The following AMD1 variants were observed in gnomAD, a reference collection of about 807,000 sequenced individuals.
AMD1 encodes the protein adenosylmethionine decarboxylase 1.
In AMD1, 11 loss-of-function variants were observed where a neutral mutation model predicts 40.2. The ratio of observed to expected loss-of-function variants is 0.27; its 90% CI spans 0.17 to 0.45. AMD1 has a LOEUF of 0.45. Among genes scored for constraint, AMD1 ranks in the 20% least tolerant of loss-of-function variants. The pLI is 1.00. For missense variants in AMD1, 257 were observed against 410.2 expected (o/e 0.63, Z 3.23); for synonymous variants, 121 against 130.8 (o/e 0.93, Z 0.51).
rs763093835 is a variant in AMD1, at chr6:110,892,328, G to T, written c.500G>T (p.Ser167Ile). Residue 167 changes from serine (S) to isoleucine (I), a missense_variant, in exon 6 of 9, where the codon AGT becomes ATT. Transcript: ENST00000368885. ...TTATATACTCTGGATTTCCCAGAGA[G>T]TCGGGTAATCAGTCAGCCAGATCAA... is the stretch of plus-strand genomic sequence containing the variant. The part of the protein sequence containing the change: ...WYLYTLDFPE[S>I]RVISQPDQTL... 3.7e-6 allele frequency: 6 copies of T among 1,613,560 alleles called. No homozygotes were observed. In the Admixed American group the frequency reaches 1.0e-4, roughly 27 times the overall value.
At chr6:110,815,853 G>A in the AMD1 span, 1 of 152,446 alleles carries the variant, frequency 6.6e-6, no homozygotes, top group Non-Finnish European at 1.5e-5. Flanking sequence ...GAGGGCTGGT[G>A]AGGACAGTTG....
In AMD1 at chr6:110,893,987, T is replaced by G. The variant is rs1436613485; in HGVS notation, c.*371T>G. ...TCCAAAATTCCCCACAGACAAGGCT[T>G]TCGTCCTCATTAGGTGTTGGCCTCA... On this transcript the variant is annotated 3_prime_UTR_variant, in exon 9 of 9. Coordinates refer to ENST00000368885, the MANE Select transcript of AMD1 (RefSeq NM_001634.6). The G allele has an allele frequency of 4.8e-6, 1 of 209,376 alleles. No individual in the cohort carries two copies. Among genetic ancestry groups the G allele is most frequent in the Non-Finnish European group, 9.9e-6 (1 of 101,320 alleles). The allele number at this position is 209,376 out of a possible 1,614,324, so 13.0% of individuals were successfully genotyped here. A position where few individuals can be genotyped will look rare whatever the true frequency, so the allele number is the denominator to read the frequency against.
At chr6:110,815,366 C>G in the AMD1 span, 8 of 391,318 alleles carry the variant, frequency 2.0e-5, no homozygotes, top group East Asian at 3.0e-4. Flanking sequence ...ACGGCGGCGG[C>G]GGCTCCCGCA....
At chr6:110,852,528 A>G in the AMD1 span, among the ~76,000 whole-genome samples, 1 of 151,908 alleles carries the variant, frequency 6.6e-6, no homozygotes, top group Non-Finnish European at 1.5e-5. Context: ...CCCATAATGA[A>G]TTCTTAATAT....
At chr6:110,818,805 T>C in the AMD1 span, among the ~76,000 whole-genome samples, 1 of 152,246 alleles carries the variant, frequency 6.6e-6, no homozygotes, top group African/African-American at 2.4e-5. Context: ...CCCAAAGTGT[T>C]GGGATTATAG....
Position 110,893,827 on chromosome 6 carries a change from T to G in AMD1, c.*211T>G. 1.9e-6 allele frequency: 1 copy of G among 527,336 alleles called. No individual in the cohort carries two copies. Among genetic ancestry groups the G allele is most frequent in the Non-Finnish European group, 3.3e-6 (1 of 307,470 alleles). 32.7% of individuals were successfully genotyped at this position (527,336 alleles called of 1,614,324 possible). A position where few individuals can be genotyped will look rare whatever the true frequency, so the allele number is the denominator to read the frequency against. On this transcript the variant is annotated 3_prime_UTR_variant, in exon 9 of 9. Transcript: ENST00000368885. The stretch of plus-strand genomic sequence containing the variant: ...CTTGCATGAATGCTCTCTTCTGTGT[T>G]TAGGTATTCTCTGCCACTCTTGCTG...
At chr6:110,844,519 C>T in the AMD1 span, among the ~76,000 whole-genome samples, 2 of 151,964 alleles carry the variant, frequency 1.3e-5, no homozygotes, top group East Asian at 2.0e-4. Flanking sequence ...TGGTGGCTCA[C>T]GCCTGTAATC....
At chr6:110,853,907 G>A in the AMD1 span, among the ~76,000 whole-genome samples, 1 of 152,126 alleles carries the variant, frequency 6.6e-6, no homozygotes, top group African/African-American at 2.4e-5. Context: ...AATGTCAAGT[G>A]TCCTCTAATA....
the AMD1 span, among the ~76,000 whole-genome samples, chr6:110,819,743 A>T: frequency 6.6e-6 from 1 of 152,192 alleles, no homozygotes; most frequent in Non-Finnish European, 1.5e-5. Flanking sequence ...CCAGGAAGCT[A>T]GGTGTTTTTA....
the AMD1 span, among the ~76,000 whole-genome samples, chr6:110,828,444 G>A: frequency 3.3e-5 from 5 of 150,792 alleles, no homozygotes; most frequent in African/African-American, 1.2e-4. Flanking sequence ...AAAAAAAAAA[G>A]AAAGAAAGAA....
chr6:110,837,699 G>A, the AMD1 span, among the ~76,000 whole-genome samples: 8 of 100,844 alleles, frequency 7.9e-5, no homozygotes, highest in South Asian at 3.8e-4. Context: ...TGACAAGAGC[G>A]AAACTCCATC....
chr6:110,849,924 T>TG, the AMD1 span, among the ~76,000 whole-genome samples: 1 of 149,454 alleles, frequency 6.7e-6, no homozygotes, highest in African/African-American at 2.5e-5. Context: ...GAAACTGAGG[T>TG]GGGGGGCGGG....
At chr6:110,835,677 C>A in the AMD1 span, among the ~76,000 whole-genome samples, 1 of 152,008 alleles carries the variant, frequency 6.6e-6, no homozygotes, top group African/African-American at 2.4e-5. Flanking sequence ...ACCAGCCTGG[C>A]CAACATGGTG....
At chr6:110,870,102 G>A (rs1310198215), upstream of AMD1, among the ~76,000 whole-genome samples, 1 of 152,142 alleles carries the variant, frequency 6.6e-6, no homozygotes, top group Non-Finnish European at 1.5e-5. Context: ...TGAAACCAGA[G>A]GCATGCTGGT....
chr6:110,872,157 C>G (rs1371041031), upstream of AMD1, among the ~76,000 whole-genome samples: 1 of 152,056 alleles, frequency 6.6e-6, no homozygotes, highest in East Asian at 1.9e-4. Context: ...CAGTCAAGTG[C>G]TAGGAATAAA....
At chr6:110,868,817 A>G in the AMD1 span, among the ~76,000 whole-genome samples, 1 of 152,162 alleles carries the variant, frequency 6.6e-6, no homozygotes, top group East Asian at 2.0e-4. Flanking sequence ...GCACTTTGGG[A>G]GGCCAAGGTG....
At chr6:110,854,517 T>C in the AMD1 span, among the ~76,000 whole-genome samples, 2 of 152,062 alleles carry the variant, frequency 1.3e-5, no homozygotes, top group Non-Finnish European at 2.9e-5. Flanking sequence ...GGTACGATCT[T>C]GGCTCACTGC....
chr6:110,847,722 G>T, the AMD1 span, among the ~76,000 whole-genome samples: 24,639 of 116,960 alleles, frequency 0.21, 2,672 homozygotes, highest in East Asian at 0.51. Context: ...TTTGTTTTTT[G>T]TTTTTTTGAG....
chr6:110,863,079 G>T, the AMD1 span, among the ~76,000 whole-genome samples: 1 of 151,906 alleles, frequency 6.6e-6, no homozygotes, highest in Admixed American at 6.6e-5. Flanking sequence ...CAAGTAGCTG[G>T]GACTACAGGC....
Sources: gnomAD v4.1 joint callset for allele counts (sites outside exome capture counted in the v4.1 genomes callset) on GRCh38, gnomAD v4.1.1 for gene constraint, MANE v1.5 for transcripts, NCBI Gene and HGNC (gene_info 2026-07-23, HGNC 2026-07-21) for gene names.